Variants in TMEM260 observed in about 807,000 individuals in gnomAD.
TMEM260 encodes the protein transmembrane protein 260.
In TMEM260, 82 loss-of-function variants were observed where a neutral mutation model predicts 88.9. That is an observed-to-expected ratio of 0.92 (90% CI 0.77 to 1.11). The LOEUF is 1.11. Ranked by LOEUF, TMEM260 falls within the 50% of genes least tolerant of loss-of-function variation. The pLI, the probability that TMEM260 is intolerant of heterozygous loss-of-function variation, is 0.00. For missense variants in TMEM260, 902 were observed against 853.4 expected (o/e 1.06, Z -0.71); for synonymous variants, 314 against 309.3 (o/e 1.02, Z -0.16).
intron 3 of TMEM260, among the ~76,000 whole-genome samples, chr14:56,588,331 T>A (rs1294622039): frequency 6.6e-6 from 1 of 152,046 alleles, no homozygotes; most frequent in African/African-American, 2.4e-5. Flanking sequence ...TATATTTAGC[T>A]CTTGGGGTGG....
chr14:56,585,030 GGAGT>G lies in TMEM260; in HGVS notation c.191_192+2del. 2 of 1,611,398 alleles carry G rather than the reference GGAGT, an allele frequency of 1.2e-6. No individual in the cohort carries two copies. Among genetic ancestry groups the G allele is most frequent in the Non-Finnish European group, 1.7e-6 (2 of 1,178,640 alleles). On this transcript the variant is annotated splice_donor_variant and coding_sequence_variant, in exon 2 of 16. Coordinates refer to ENST00000261556, the MANE Select transcript of TMEM260 (RefSeq NM_017799.4). LOFTEE classifies it high-confidence loss of function. ...ACTGATCACAGCCGCACATGAGCTT[GGAGT>G]AAGTATTAGTTTTATTGTTTAATCA... is the stretch of plus-strand genomic sequence containing the variant.
intron 3 of TMEM260, among the ~76,000 whole-genome samples, chr14:56,599,877 ATTG>A (rs1886463500): frequency 2.0e-5 from 3 of 152,222 alleles, no homozygotes; most frequent in African/African-American, 7.2e-5. Context: ...GTTAGAATCT[ATTG>A]TTTAAACTGT....
At chr14:56,652,938 G>A (rs1257882761), downstream of TMEM260, among the ~76,000 whole-genome samples, 1 of 152,192 alleles carries the variant, frequency 6.6e-6, no homozygotes, top group Non-Finnish European at 1.5e-5. Flanking sequence ...TTGTCAAACT[G>A]TGGGTCATGA....
At chr14:56,611,202 G>C (rs1290619890) in intron 6 of TMEM260, among the ~76,000 whole-genome samples, 1 of 151,968 alleles carries the variant, frequency 6.6e-6, no homozygotes, top group Non-Finnish European at 1.5e-5. Flanking sequence ...TCCTGACCTT[G>C]TGATCCGCCC....
chr14:56,634,965 C>T lies in TMEM260; in HGVS notation c.1778+13C>T, dbSNP rs758743197. On this transcript the variant is annotated intron_variant, in intron 14 of 15. Transcript: ENST00000261556. ...TGTGGCAAGCGAGGTGACTATTCTA[C>T]ATTTTTGTGTGTGCAGTCTATTTTT... The T allele has an allele frequency of 6.2e-7, 1 of 1,612,484 alleles. No homozygotes were observed. The highest frequency in any genetic ancestry group is 1.3e-5 in the African/African-American group (1 of 74,970).
At chr14:56,628,072 G>C (rs887852355) in intron 12 of TMEM260, among the ~76,000 whole-genome samples, 1 of 152,190 alleles carries the variant, frequency 6.6e-6, no homozygotes, top group Non-Finnish European at 1.5e-5. Flanking sequence ...TAGTTGCTGT[G>C]TATATCAATA....
At chr14:56,592,871 G>C (rs900832442) in intron 3 of TMEM260, among the ~76,000 whole-genome samples, 1 of 152,128 alleles carries the variant, frequency 6.6e-6, no homozygotes, top group Non-Finnish European at 1.5e-5. Flanking sequence ...TCCGTGTTGG[G>C]TTCTTTGCAT....
intron 3 of TMEM260, among the ~76,000 whole-genome samples, 157 bp downstream of exon 3, chr14:56,586,069 C>T (rs79751754): frequency 0.019 from 2,858 of 152,124 alleles, 85 homozygotes; most frequent in African/African-American, 0.065. Context: ...ATGCATTTGA[C>T]CCCTCAAATG....
intron 15 of TMEM260, 67 bp from the exon 16 acceptor site, chr14:56,647,176 T>C: frequency 1.3e-6 from 2 of 1,514,510 alleles, no homozygotes; most frequent in Non-Finnish European, 1.8e-6. Flanking sequence ...CTCTGTGTTT[T>C]TTTGTTTTTG....
intron 15 of TMEM260, among the ~76,000 whole-genome samples, chr14:56,637,686 G>GTGTT (rs1889218971): frequency 6.6e-6 from 1 of 152,238 alleles, no homozygotes; most frequent in Admixed American, 6.5e-5. Context: ...GCCAGGACAA[G>GTGTT]TGTTTGGTGC....
At chr14:56,584,203 A>G (rs1426799445) in intron 1 of TMEM260, among the ~76,000 whole-genome samples, 1 of 152,166 alleles carries the variant, frequency 6.6e-6, no homozygotes, top group Non-Finnish European at 1.5e-5. Context: ...ATGAAAGGAT[A>G]GGAAGTGGAC....
At chr14:56,581,748 A>AAGGCC in intron 1 of TMEM260, among the ~76,000 whole-genome samples, 1 of 152,344 alleles carries the variant, frequency 6.6e-6, no homozygotes, top group East Asian at 1.9e-4. Context: ...AGGCTAAGCT[A>AAGGCC]TGCCCAAAGT....
chr14:56,585,663 T>C (rs529927393), intron 2 of TMEM260, 98 bp from the exon 3 acceptor site: 4 of 1,197,582 alleles, frequency 3.3e-6, no homozygotes, highest in African/African-American at 3.1e-5. Flanking sequence ...GCCTAATCTT[T>C]ATAGCTGCTT....
chr14:56,654,490 T>C (rs1357608311), downstream of TMEM260, among the ~76,000 whole-genome samples: 1 of 152,162 alleles, frequency 6.6e-6, no homozygotes, highest in Non-Finnish European at 1.5e-5. Context: ...CTGGTATTCA[T>C]GATTCTTCTA....
intron 3 of TMEM260, chr14:56,593,018 A>G (rs1885960901): frequency 6.6e-6 from 1 of 152,270 alleles, no homozygotes; most frequent in Admixed American, 6.5e-5. Flanking sequence ...ATGAAAATCA[A>G]ATACTGTGTA....
intron 12 of TMEM260, among the ~76,000 whole-genome samples, chr14:56,628,803 A>G (rs1372007876): frequency 2.0e-5 from 3 of 151,926 alleles, no homozygotes; most frequent in African/African-American, 2.4e-5. Context: ...TTTAATTGCT[A>G]TGTCTCCACC....
chr14:56,582,798 C>A (rs192917720), intron 1 of TMEM260, among the ~76,000 whole-genome samples: 1 of 152,254 alleles, frequency 6.6e-6, no homozygotes, highest in East Asian at 1.9e-4. Flanking sequence ...CTCTTTATCA[C>A]AATCAATTTA....
At chr14:56,584,227 C>G (rs1213441301) in intron 1 of TMEM260, among the ~76,000 whole-genome samples, 1 of 152,010 alleles carries the variant, frequency 6.6e-6, no homozygotes. Context: ...AGTACATTTC[C>G]TAATAGGTAC....
At chr14:56,616,880 C>T (rs1386652038) in intron 8 of TMEM260, among the ~76,000 whole-genome samples, 2 of 152,074 alleles carry the variant, frequency 1.3e-5, no homozygotes, top group Non-Finnish European at 1.5e-5. Flanking sequence ...TTATTTCAAG[C>T]ATGAAAATGT....
Sources: allele counts gnomAD v4.1 joint callset (sites outside exome capture counted in the v4.1 genomes callset), GRCh38; gene constraint gnomAD v4.1.1; transcripts MANE v1.5; gene names NCBI Gene and HGNC (gene_info 2026-07-23, HGNC 2026-07-21).